Variants in SNTG1 observed in about 807,000 individuals in gnomAD.
SNTG1 encodes the protein gamma-1-syntrophin.
Under a neutral mutation model 74.7 loss-of-function variants are expected in SNTG1, and 39 were observed. That is an observed-to-expected ratio of 0.52 (90% CI 0.40 to 0.68). The LOEUF is 0.68. Ranked by LOEUF, SNTG1 falls within the 30% of genes least tolerant of loss-of-function variation. SNTG1 has a pLI of 0.00. For synonymous variants in SNTG1, 254 were observed against 217.1 expected, an observed-to-expected ratio of 1.17 and a Z score of -1.49; for missense variants, 685 against 609.5, an observed-to-expected ratio of 1.12 and a Z score of -1.30.
At chr8:50,719,957 T>A (rs1260440921) in intron 17 of SNTG1, among the ~76,000 whole-genome samples, 1 of 152,150 alleles carries the variant, frequency 6.6e-6, no homozygotes, top group African/African-American at 2.4e-5. Context: ...ATATTTTTTT[T>A]ATGTGAAGTT....
rs1435775027 is a variant in SNTG1, at chr8:50,219,133, G to A, written c.-28+46498G>A. Among the ~76,000 whole-genome samples, 4 of 152,296 alleles carry A rather than the reference G, an allele frequency of 2.6e-5. No homozygotes were observed. In the East Asian group the frequency reaches 7.7e-4, roughly 29 times the overall value. On this transcript the variant is annotated intron_variant, in intron 2 of 18. Transcript: ENST00000642720. Reference sequence around the variant, plus strand: ...CTTTGATGTTTTGGCTTATATGGAAGGAGGAAAACAGCTTTAATAAAGCAT... The same window carrying A: ...CTTTGATGTTTTGGCTTATATGGAAAGAGGAAAACAGCTTTAATAAAGCAT...
At chr8:50,171,485 G>C (rs2082806234) in intron 1 of SNTG1, among the ~76,000 whole-genome samples, 1 of 152,136 alleles carries the variant, frequency 6.6e-6, no homozygotes, top group Non-Finnish European at 1.5e-5. Context: ...GCTGGCAGCT[G>C]ATTAGATTGT....
intron 2 of SNTG1, among the ~76,000 whole-genome samples, chr8:50,339,632 G>A (rs1587209907): frequency 6.6e-6 from 1 of 151,536 alleles, no homozygotes; most frequent in East Asian, 1.9e-4. Context: ...AAAGTAAATT[G>A]AAAATATAAA....
intron 1 of SNTG1, among the ~76,000 whole-genome samples, chr8:50,007,782 G>T (rs1406397160): frequency 6.6e-6 from 1 of 151,934 alleles, no homozygotes; most frequent in Non-Finnish European, 1.5e-5. Context: ...TTTTCACACC[G>T]CTATAAAGAA....
chr8:50,369,885 G>A (rs948784591), intron 2 of SNTG1, among the ~76,000 whole-genome samples: 1 of 152,108 alleles, frequency 6.6e-6, no homozygotes, highest in Non-Finnish European at 1.5e-5. Flanking sequence ...TTCTGAGTTG[G>A]TTCTGAAGTA....
At position 50,415,142 on chromosome 8, in the gene SNTG1, C is replaced by T. The variant is rs1239185597; in HGVS notation, c.162+12798C>T. 2.6e-5 allele frequency among the ~76,000 whole-genome samples: 4 copies of T among 152,046 alleles called. No homozygotes were observed. In the East Asian group the frequency reaches 5.8e-4, roughly 22 times the overall value. On this transcript the variant is annotated intron_variant, in intron 4 of 18. Transcript: ENST00000642720. ...ACTTCTCACCTTAAAAGAAATTTTT[C>T]GTGAGTGAACAAATGTTGTTTAAAT...
intron 1 of SNTG1, among the ~76,000 whole-genome samples, chr8:49,934,803 A>G (rs1235767572): frequency 1.3e-5 from 2 of 152,184 alleles, no homozygotes; most frequent in East Asian, 1.9e-4. Flanking sequence ...TAATCTCCAT[A>G]AGAAAATATG....
chr8:50,016,007 A>C (rs966957553), intron 1 of SNTG1, among the ~76,000 whole-genome samples: 2 of 152,108 alleles, frequency 1.3e-5, no homozygotes, highest in African/African-American at 4.8e-5. Context: ...GATGAATGTC[A>C]GCTGCAGGCC....
intron 1 of SNTG1, among the ~76,000 whole-genome samples, chr8:50,010,316 C>T (rs559392713): frequency 6.6e-6 from 1 of 152,072 alleles, no homozygotes; most frequent in Non-Finnish European, 1.5e-5. Context: ...TCTCATTTTA[C>T]AGATTTGGAA....
chr8:50,426,070 C>T (rs1563370115), intron 4 of SNTG1, among the ~76,000 whole-genome samples: 1 of 152,128 alleles, frequency 6.6e-6, no homozygotes. Context: ...CACCGAGGCT[C>T]CCCTATTAAC....
intron 13 of SNTG1, among the ~76,000 whole-genome samples, chr8:50,612,345 G>A (rs556875971): frequency 4.6e-5 from 7 of 152,142 alleles, no homozygotes; most frequent in Admixed American, 3.3e-4. Flanking sequence ...TAGAATCCTT[G>A]ACTACTATAT....
intron 1 of SNTG1, among the ~76,000 whole-genome samples, chr8:50,083,071 T>G (rs1822559274): frequency 6.6e-6 from 1 of 152,226 alleles, no homozygotes; most frequent in Admixed American, 6.5e-5. Context: ...CAATTTGGGT[T>G]AAACTACTAT....
rs887988622 is a variant in SNTG1 at position 50,346,492 on chromosome 8, C to T, written c.-27-47720C>T. Among the ~76,000 whole-genome samples the T allele has an allele frequency of 2.0e-5, 3 of 152,260 alleles. No homozygotes were observed. In the East Asian group the frequency reaches 5.8e-4, roughly 29 times the overall value. ...GAGACCCAACAATATTAAAATTAAG[C>T]CAATTAATAACTCCACAATGGCCTC... On this transcript the variant is annotated intron_variant, in intron 2 of 18. Coordinates refer to ENST00000642720, the MANE Select transcript of SNTG1 (RefSeq NM_018967.5).
chr8:50,510,796 TC>T (rs2094064397), intron 9 of SNTG1, among the ~76,000 whole-genome samples: 1 of 152,136 alleles, frequency 6.6e-6, no homozygotes, highest in African/African-American at 2.4e-5. Context: ...TCTATTTGAT[TC>T]TTCTCTCTTT....
chr8:50,038,415 G>A (rs557194614), intron 1 of SNTG1, among the ~76,000 whole-genome samples: 5 of 152,182 alleles, frequency 3.3e-5, no homozygotes, highest in South Asian at 2.1e-4. Flanking sequence ...ACTGAGTGTC[G>A]TCACAAGCAA....
At chr8:50,012,939 G>T (rs867889486) in intron 1 of SNTG1, among the ~76,000 whole-genome samples, 9 of 152,204 alleles carry the variant, frequency 5.9e-5, no homozygotes, top group Middle Eastern at 3.4e-3. Flanking sequence ...AATATGGTTG[G>T]AATGTGGGCT....
At position 50,489,173 on chromosome 8, in the gene SNTG1, A is replaced by G. The variant is rs547343319; in HGVS notation, c.364-13605A>G. Among the ~76,000 whole-genome samples the G allele has an allele frequency of 3.3e-5, 5 of 152,310 alleles. No homozygotes were observed. In the East Asian group the frequency reaches 9.6e-4, roughly 29 times the overall value. On this transcript the variant is annotated intron_variant, in intron 8 of 18. Transcript: ENST00000642720. Reference sequence around the variant, plus strand: ...GTGCCACATTTTCTTTATTCAGTCTATCATTGATGGACATTTGGGTTGGCT... The same window carrying G: ...GTGCCACATTTTCTTTATTCAGTCTGTCATTGATGGACATTTGGGTTGGCT...
intron 1 of SNTG1, among the ~76,000 whole-genome samples, chr8:50,108,108 G>T (rs117555805): frequency 0.016 from 2,507 of 152,244 alleles, 33 homozygotes; most frequent in Non-Finnish European, 0.024. Flanking sequence ...ACCAACGTGG[G>T]TCACACAAAT....
chr8:50,763,631 G>A (rs1198655991), intron 18 of SNTG1, among the ~76,000 whole-genome samples: 37 of 137,898 alleles, frequency 2.7e-4, no homozygotes, highest in Non-Finnish European at 9.4e-5. Context: ...CACTCTTTTG[G>A]CTCAAGATTG....
Sources: allele counts gnomAD v4.1 joint callset (sites outside exome capture counted in the v4.1 genomes callset), GRCh38; gene constraint gnomAD v4.1.1; transcripts MANE v1.5; gene names NCBI Gene and HGNC (gene_info 2026-07-23, HGNC 2026-07-21).